TIAM2: variants seen among roughly 807,000 people sequenced by gnomAD.
The protein encoded by TIAM2 is rho guanine nucleotide exchange factor TIAM2.
TIAM2 carries 80 observed loss-of-function variants against 152.9 expected under a neutral mutation model. The ratio of observed to expected loss-of-function variants is 0.52; its 90% CI spans 0.44 to 0.63. TIAM2 has a LOEUF of 0.63. Among genes scored for constraint, TIAM2 ranks in the 30% least tolerant of loss-of-function variants. The probability of loss-of-function intolerance (pLI) is 0.00; values close to 1 mark genes in which losing one functional copy is unlikely to be tolerated. For synonymous variants in TIAM2, 804 were observed against 838.0 expected, an observed-to-expected ratio of 0.96 and a Z score of 0.70; for missense variants, 1,965 against 2,120.1, an observed-to-expected ratio of 0.93 and a Z score of 1.44.
intron 2 of TIAM2, 37 bp downstream of exon 2, chr6:155,090,416 A>G (rs906457459): frequency 2.0e-5 from 3 of 152,158 alleles, no homozygotes; most frequent in Non-Finnish European, 4.4e-5. Flanking sequence ...AAAGGCTTTA[A>G]AAGTATATGT....
At chr6:155,096,745 A>T (rs1169136401) in intron 2 of TIAM2, among the ~76,000 whole-genome samples, 3 of 152,100 alleles carry the variant, frequency 2.0e-5, no homozygotes, top group African/African-American at 7.2e-5. Flanking sequence ...TTCTTGACCC[A>T]TTCATCTCTT....
At chr6:155,115,486 A>C (rs1562320953) in intron 2 of TIAM2, among the ~76,000 whole-genome samples, 1 of 151,800 alleles carries the variant, frequency 6.6e-6, no homozygotes, top group African/African-American at 2.4e-5. Context: ...CTGTCTTTAC[A>C]AACAATAAAA....
intron 7 of TIAM2, among the ~76,000 whole-genome samples, chr6:155,154,990 G>A (rs1780070800): frequency 6.6e-6 from 1 of 152,180 alleles, no homozygotes; most frequent in Non-Finnish European, 1.5e-5. Flanking sequence ...GTGTACAGGG[G>A]GAAGCAGTTT....
intron 1 of TIAM2, among the ~76,000 whole-genome samples, chr6:155,028,967 C>A (rs185151221): frequency 0.019 from 1,488 of 78,452 alleles, 100 homozygotes; most frequent in African/African-American, 0.023. Flanking sequence ...ACTGTATGTA[C>A]TATATATACT....
At chr6:155,185,388 A>T (rs1006150254) in intron 14 of TIAM2, among the ~76,000 whole-genome samples, 3 of 151,804 alleles carry the variant, frequency 2.0e-5, no homozygotes, top group Non-Finnish European at 4.4e-5. Flanking sequence ...CAGCCTCCCA[A>T]AGTGCTGGGA....
intron 13 of TIAM2, 115 bp from the exon 14 acceptor site, chr6:155,183,122 C>T: frequency 7.4e-7 from 1 of 1,359,116 alleles, no homozygotes; most frequent in East Asian, 2.3e-5. Flanking sequence ...AAGAAAGCAA[C>T]AAACAAAACA....
At chr6:155,118,751 C>T (rs1779077818) in intron 2 of TIAM2, among the ~76,000 whole-genome samples, 1 of 151,804 alleles carries the variant, frequency 6.6e-6, no homozygotes, top group South Asian at 2.1e-4. Context: ...TTCCTTTCTT[C>T]ATCTAATGGA....
intron 19 of TIAM2, among the ~76,000 whole-genome samples, chr6:155,246,700 A>G (rs1247036948): frequency 6.6e-6 from 1 of 152,166 alleles, no homozygotes; most frequent in African/African-American, 2.4e-5. Flanking sequence ...TTGTCAATAC[A>G]TATTGACAGT....
chr6:155,032,404 C>T (rs1048918541), intron 1 of TIAM2, among the ~76,000 whole-genome samples: 1 of 152,144 alleles, frequency 6.6e-6, no homozygotes, highest in African/African-American at 2.4e-5. Flanking sequence ...TCACTAAATC[C>T]CTGTCCACAC....
chr6:155,204,376 C>G (rs1256580002), intron 14 of TIAM2, among the ~76,000 whole-genome samples: 2 of 152,014 alleles, frequency 1.3e-5, no homozygotes, highest in African/African-American at 4.8e-5. Context: ...AAGCTTGGGA[C>G]AAGGCCTGTA....
chr6:155,201,018 A>G (rs1348141944), intron 14 of TIAM2, among the ~76,000 whole-genome samples: 1 of 152,224 alleles, frequency 6.6e-6, no homozygotes, highest in Non-Finnish European at 1.5e-5. Context: ...TTCTGTTTCT[A>G]TGGATTTGCC....
At chr6:155,058,317 C>A (rs1370311154) in intron 1 of TIAM2, among the ~76,000 whole-genome samples, 1 of 152,150 alleles carries the variant, frequency 6.6e-6, no homozygotes, top group Non-Finnish European at 1.5e-5. Flanking sequence ...ATCAGAATTT[C>A]AGAGAATGGG....
At chr6:155,223,784 C>T (rs750500151) in intron 15 of TIAM2, among the ~76,000 whole-genome samples, 2 of 152,200 alleles carry the variant, frequency 1.3e-5, no homozygotes, top group African/African-American at 2.4e-5. Context: ...GCGTAAGGGA[C>T]GCTCAGGTGG....
At chr6:155,229,125 G>A (rs902379088) in intron 15 of TIAM2, among the ~76,000 whole-genome samples, 3 of 151,960 alleles carry the variant, frequency 2.0e-5, no homozygotes, top group Admixed American at 6.6e-5. Context: ...GCCTCCCCTC[G>A]TTGTTACTCT....
Position 155,157,476 on chromosome 6 carries a change from T to A in TIAM2, c.2029-6939T>A, listed in dbSNP as rs1583219441. On this transcript the variant is annotated intron_variant, in intron 7 of 26. Coordinates refer to ENST00000682666, the MANE Select transcript of TIAM2 (RefSeq NM_012454.4). ...TCTTTTTTTTTTTTAGAATTAAAAA[T>A]TTTTTTAAAAAATAGAGACGAGGTC... Among the ~76,000 whole-genome samples the A allele has an allele frequency of 8.0e-5, 12 of 150,728 alleles. No homozygotes were observed. The South Asian group carries it at 2.5e-3, about 31-fold the overall frequency.
intron 14 of TIAM2, among the ~76,000 whole-genome samples, chr6:155,188,985 G>GC (rs1293696699): frequency 6.6e-6 from 1 of 152,094 alleles, no homozygotes; most frequent in African/African-American, 2.4e-5. Context: ...TAGCCTCCAC[G>GC]CCCCCTTTGA....
intron 2 of TIAM2, among the ~76,000 whole-genome samples, chr6:155,112,722 C>G (rs1441319053): frequency 6.6e-6 from 1 of 152,326 alleles, no homozygotes; most frequent in East Asian, 1.9e-4. Context: ...CCGCGGAAGC[C>G]TGCTCTGCTC....
rs538274781 is a variant in TIAM2 at position 155,020,046 on chromosome 6, C to T, written c.-209+24554C>T. Among the ~76,000 whole-genome samples the T allele has an allele frequency of 7.0e-4, 106 of 151,152 alleles. 1 individual carries two copies. Among genetic ancestry groups the T allele is most frequent in the African/African-American group, 2.4e-3 (97 of 40,980 alleles). ...CCAGCCTGGCAACAGAGTGATACTC[C>T]GTCTGCAAAAAAAAAAGGCAGCGAG... On this transcript the variant is annotated intron_variant, in intron 1 of 26. Coordinates refer to ENST00000682666, the MANE Select transcript of TIAM2 (RefSeq NM_012454.4).
intron 9 of TIAM2, chr6:155,168,719 C>A: frequency 2.6e-6 from 2 of 768,036 alleles, no homozygotes; most frequent in Non-Finnish European, 4.0e-6. Flanking sequence ...AATAATGATA[C>A]AAATTGTGAT....
Sources: allele counts gnomAD v4.1 joint callset (sites outside exome capture counted in the v4.1 genomes callset), GRCh38; gene constraint gnomAD v4.1.1; transcripts MANE v1.5; gene names NCBI Gene and HGNC (gene_info 2026-07-23, HGNC 2026-07-21).